Variants in SGCZ observed in about 807,000 individuals in gnomAD.
The protein encoded by SGCZ is zeta-sarcoglycan.
SGCZ carries 40 observed loss-of-function variants against 41.3 expected under a neutral mutation model. That is an observed-to-expected ratio of 0.97 (90% CI 0.75 to 1.26). SGCZ has a LOEUF of 1.26. SGCZ is among the 50% of genes most tolerant of loss of function. The probability of loss-of-function intolerance (pLI) is 0.00; values close to 1 mark genes in which losing one functional copy is unlikely to be tolerated. For synonymous variants in SGCZ, 206 were observed against 137.5 expected, an observed-to-expected ratio of 1.50 and a Z score of -3.49; for missense variants, 552 against 369.8, an observed-to-expected ratio of 1.49 and a Z score of -4.04.
chr8:15,069,409 CA>C (rs1554550306), intron 1 of SGCZ, among the ~76,000 whole-genome samples: 1 of 151,890 alleles, frequency 6.6e-6, no homozygotes, highest in African/African-American at 2.4e-5. Flanking sequence ...GTGAATATTG[CA>C]AAAAAATGCA....
chr8:14,242,269 G>A (rs1798917204), intron 3 of SGCZ, among the ~76,000 whole-genome samples: 1 of 152,140 alleles, frequency 6.6e-6, no homozygotes, highest in African/African-American at 2.4e-5. Flanking sequence ...AATAGCAGTG[G>A]TACAAACAGC....
chr8:14,498,536 A>G (rs929284642), intron 2 of SGCZ, among the ~76,000 whole-genome samples: 18 of 152,074 alleles, frequency 1.2e-4, no homozygotes, highest in Non-Finnish European at 2.4e-4. Flanking sequence ...AACCCATAAC[A>G]TTTACTTAGA....
At chr8:15,054,114 T>C (rs17120804) in intron 1 of SGCZ, among the ~76,000 whole-genome samples, 12,165 of 152,242 alleles carry the variant, frequency 0.08, 780 homozygotes, top group African/African-American at 0.17. Context: ...TGCCCATACA[T>C]TCTCCAGATA....
At chr8:14,425,859 T>TAAA (rs1274440078) in intron 2 of SGCZ, among the ~76,000 whole-genome samples, 5 of 151,822 alleles carry the variant, frequency 3.3e-5, no homozygotes, top group Non-Finnish European at 7.4e-5. Flanking sequence ...ATAACAAAAC[T>TAAA]AAAAAAGATA....
At chr8:15,041,989 A>G (rs143218039) in intron 1 of SGCZ, among the ~76,000 whole-genome samples, 96 of 152,320 alleles carry the variant, frequency 6.3e-4, no homozygotes, top group African/African-American at 2.2e-3. Flanking sequence ...GGCTAAAGGA[A>G]GAAAATGAAA....
At chr8:14,630,147 A>G (rs562522530) in intron 1 of SGCZ, among the ~76,000 whole-genome samples, 1 of 152,196 alleles carries the variant, frequency 6.6e-6, no homozygotes, top group South Asian at 2.1e-4. Context: ...TGAAAGCAAA[A>G]TGAATCTTTG....
chr8:14,505,346 G>A lies in SGCZ; in HGVS notation c.234+49386C>T, dbSNP rs914945865. 4.6e-5 allele frequency among the ~76,000 whole-genome samples: 7 copies of A among 152,038 alleles called. No individual in the cohort carries two copies. The South Asian group carries it at 6.2e-4, about 13-fold the overall frequency. On this transcript the variant is annotated intron_variant, in intron 2 of 7. Transcript: ENST00000382080. ...CATAAAATGCCCCAGAGTAAAGAGC[G>A]CCAGTTACCAGGGCAGAGTGCTTCC...
At chr8:14,553,769 T>A (rs1357938073) in intron 2 of SGCZ, among the ~76,000 whole-genome samples, 1 of 151,832 alleles carries the variant, frequency 6.6e-6, no homozygotes, top group Non-Finnish European at 1.5e-5. Flanking sequence ...CCCAGTGGGG[T>A]TTAAAAAACA....
intron 6 of SGCZ, among the ~76,000 whole-genome samples, chr8:14,104,704 AAT>A (rs1400842911): frequency 6.6e-6 from 1 of 152,110 alleles, no homozygotes; most frequent in Non-Finnish European, 1.5e-5. Flanking sequence ...CTGACTGCTT[AAT>A]AGAGTTTTTT....
intron 4 of SGCZ, among the ~76,000 whole-genome samples, chr8:14,175,135 A>C (rs972434532): frequency 2.6e-5 from 4 of 152,154 alleles, no homozygotes; most frequent in Non-Finnish European, 5.9e-5. Context: ...ATGTGTCTTC[A>C]ATGCCCTAGA....
At chr8:14,207,724 C>A (rs1401049939) in intron 4 of SGCZ, among the ~76,000 whole-genome samples, 2 of 152,108 alleles carry the variant, frequency 1.3e-5, no homozygotes, top group East Asian at 1.9e-4. Context: ...TGTTTGAACA[C>A]CTCAAGAAGG....
Position 14,090,406 on chromosome 8 carries a change from C to T in SGCZ, c.*37G>A, listed in dbSNP as rs1801650189. ...GAACTGTGAAGCAGACGGACAGGAA[C>T]AAAAGGCTATTCTGGTGTGAGGAGA... is the stretch of plus-strand genomic sequence containing the variant. On this transcript the variant is annotated 3_prime_UTR_variant, in exon 8 of 8. Coordinates refer to ENST00000382080, the MANE Select transcript of SGCZ (RefSeq NM_139167.4). 1 of 1,591,440 alleles carries T rather than the reference C, an allele frequency of 6.3e-7. No homozygotes were observed.
chr8:14,761,428 C>T (rs550653069), intron 1 of SGCZ, among the ~76,000 whole-genome samples: 1 of 151,776 alleles, frequency 6.6e-6, no homozygotes, highest in Non-Finnish European at 1.5e-5. Context: ...AGCAGTCTTC[C>T]TCAAACCAAT....
chr8:14,430,885 T>A (rs1335739019), intron 2 of SGCZ, among the ~76,000 whole-genome samples: 1 of 151,958 alleles, frequency 6.6e-6, no homozygotes, highest in Non-Finnish European at 1.5e-5. Flanking sequence ...ATCAGTAGCT[T>A]TTCTGTACAC....
chr8:14,489,240 T>C (rs6988078), intron 2 of SGCZ, among the ~76,000 whole-genome samples: 152,123 of 152,244 alleles, frequency 1, 76,001 homozygotes, highest in Non-Finnish European at 1. Flanking sequence ...GGAACAACGA[T>C]TTGTAAAAAT....
chr8:14,762,108 A>C (rs186965975), intron 1 of SGCZ, among the ~76,000 whole-genome samples: 1 of 152,228 alleles, frequency 6.6e-6, no homozygotes, highest in Admixed American at 6.5e-5. Context: ...TTTTTTTCCA[A>C]AATGGAAGCG....
At chr8:14,502,973 C>A (rs986507888) in intron 2 of SGCZ, among the ~76,000 whole-genome samples, 1 of 152,134 alleles carries the variant, frequency 6.6e-6, no homozygotes, top group African/African-American at 2.4e-5. Flanking sequence ...ATAAATCATT[C>A]TACTATAAAG....
intron 1 of SGCZ, among the ~76,000 whole-genome samples, chr8:15,058,518 T>C (rs1804798031): frequency 6.6e-6 from 1 of 152,220 alleles, no homozygotes; most frequent in South Asian, 2.1e-4. Flanking sequence ...AAAATCTTAA[T>C]TTTCCATGCA....
chr8:14,146,702 C>T (rs1023816124), intron 5 of SGCZ, among the ~76,000 whole-genome samples: 7 of 151,326 alleles, frequency 4.6e-5, no homozygotes, highest in African/African-American at 1.5e-4. Context: ...GAGACCCCGT[C>T]TCTACTAAAA....
Sources: gnomAD v4.1 joint callset for allele counts (sites outside exome capture counted in the v4.1 genomes callset) on GRCh38, gnomAD v4.1.1 for gene constraint, MANE v1.5 for transcripts, NCBI Gene and HGNC (gene_info 2026-07-23, HGNC 2026-07-21) for gene names.